ACTN1: variants seen among roughly 807,000 people sequenced by gnomAD.
The protein encoded by ACTN1 is alpha-actinin-1.
ACTN1 carries 30 observed loss-of-function variants against 119.6 expected under a neutral mutation model. The ratio of observed to expected loss-of-function variants is 0.25; its 90% CI spans 0.19 to 0.34. The LOEUF is 0.34. ACTN1 is among the 10% of genes least tolerant of loss of function. The pLI is 1.00. For missense variants in ACTN1, 764 were observed against 1,223.4 expected, an observed-to-expected ratio of 0.62 and a Z score of 5.60; for synonymous variants, 429 against 472.6, an observed-to-expected ratio of 0.91 and a Z score of 1.20.
rs1331819412 is a variant in ACTN1, at chr14:68,874,926, T to G, written c.2678A>C (p.Asp893Ala). The G allele has an allele frequency of 6.8e-6, 11 of 1,611,674 alleles. No individual in the cohort carries two copies. The East Asian group carries it at 2.5e-4, about 36-fold the overall frequency. The change falls in exon 22 of 22, where the codon GAC (aspartate) becomes GCC (alanine). Residue 893 changes from aspartate (D) to alanine (A), a missense_variant. By Grantham distance (126) the Asp-to-Ala change is moderately radical (BLOSUM62 -2). Around this residue, in one of 4 missense-constraint regions of ACTN1, gnomAD observed 102 missense variants for 78.2 expected, o/e 1.30. Transcript: ENST00000394419. ...GTAGTCCAGAGCACCTGGCACGGAG[T>G]CGGGGCCGGTGTAGGGGGCCATCCG... The part of the protein sequence containing the change: ...IARMAPYTGP[D>A]SVPGALDYMS...
chr14:68,884,389 G>A (rs1176911850), intron 13 of ACTN1, 81 bp from the exon 14 acceptor site: 12 of 1,495,284 alleles, frequency 8.0e-6, no homozygotes, highest in Non-Finnish European at 1.1e-5. Flanking sequence ...CTCCTGGTGA[G>A]CCCCAGGTCT....
intron 8 of ACTN1, among the ~76,000 whole-genome samples, chr14:68,894,103 G>A (rs2032706635): frequency 6.6e-6 from 1 of 152,156 alleles, no homozygotes; most frequent in Non-Finnish European, 1.5e-5. Flanking sequence ...GCCCATCCTG[G>A]AATTCCAAGT....
chr14:68,929,114 G>T (rs1022209998), intron 1 of ACTN1, among the ~76,000 whole-genome samples: 2 of 152,186 alleles, frequency 1.3e-5, no homozygotes, highest in Non-Finnish European at 2.9e-5. Flanking sequence ...GAGAGGGCTG[G>T]AACAGTGGCG....
intron 1 of ACTN1, chr14:68,978,373 C>T (rs1021359579): frequency 2.6e-6 from 1 of 379,650 alleles, no homozygotes; most frequent in South Asian, 1.9e-5. Flanking sequence ...TTTTCTCGTC[C>T]CCAGCCGCAC....
intron 14 of ACTN1, 58 bp downstream of exon 14, chr14:68,884,110 G>C: frequency 1.3e-6 from 2 of 1,544,548 alleles, no homozygotes; most frequent in Non-Finnish European, 1.8e-6. Flanking sequence ...GTGACCCACA[G>C]AGCATGGGCC....
intron 1 of ACTN1, chr14:68,977,813 C>A: frequency 5.3e-6 from 2 of 375,836 alleles, no homozygotes; most frequent in Non-Finnish European, 5.4e-6. Context: ...CCCCCCCACC[C>A]AAAACCCCAT....
At chr14:68,923,692 C>T (rs772209236) in intron 2 of ACTN1, among the ~76,000 whole-genome samples, 2 of 152,110 alleles carry the variant, frequency 1.3e-5, no homozygotes, top group Admixed American at 6.5e-5. Flanking sequence ...GAAAACAGCA[C>T]GGTGGCTCCT....
intron 7 of ACTN1, among the ~76,000 whole-genome samples, chr14:68,904,311 G>A (rs973290872): frequency 6.6e-6 from 1 of 152,104 alleles, no homozygotes; most frequent in Non-Finnish European, 1.5e-5. Flanking sequence ...CTCTCAGCAA[G>A]GGAAACTTCC....
chr14:68,973,713 G>A (rs1323324628), intron 1 of ACTN1: 1 of 152,196 alleles, frequency 6.6e-6, no homozygotes, highest in Non-Finnish European at 1.5e-5. Context: ...AAGGCTCCTT[G>A]TCTCAGTCAG....
intron 14 of ACTN1, among the ~76,000 whole-genome samples, chr14:68,883,915 C>A (rs2031779309): frequency 6.6e-6 from 1 of 152,150 alleles, no homozygotes; most frequent in Non-Finnish European, 1.5e-5. Context: ...AAATTCTTAC[C>A]TTTGGGGAGA....
intron 1 of ACTN1, among the ~76,000 whole-genome samples, chr14:68,964,312 C>G (rs2140632852): frequency 6.6e-6 from 1 of 152,342 alleles, no homozygotes; most frequent in Non-Finnish European, 1.5e-5. Context: ...CAAGTACCCT[C>G]CATTCTACCT....
intron 8 of ACTN1, among the ~76,000 whole-genome samples, chr14:68,899,671 C>A (rs2033181567): frequency 6.6e-6 from 1 of 152,212 alleles, no homozygotes; most frequent in Non-Finnish European, 1.5e-5. Flanking sequence ...TCTCACATTC[C>A]CTTCCAAGCT....
chr14:68,931,381 T>C (rs1346226328), intron 1 of ACTN1, among the ~76,000 whole-genome samples: 2 of 152,164 alleles, frequency 1.3e-5, no homozygotes, highest in Non-Finnish European at 2.9e-5. Context: ...GAGAGATCAT[T>C]ACAGATGGTA....
intron 1 of ACTN1, among the ~76,000 whole-genome samples, chr14:68,930,054 G>A (rs555822371): frequency 2.6e-5 from 4 of 152,270 alleles, no homozygotes; most frequent in Admixed American, 1.3e-4. Context: ...ACCTCTTTTC[G>A]TCACATCTTT....
intron 3 of ACTN1, among the ~76,000 whole-genome samples, chr14:68,915,483 G>A (rs2034240740): frequency 6.6e-6 from 1 of 152,300 alleles, no homozygotes; most frequent in East Asian, 1.9e-4. Flanking sequence ...CCTCTAGAAT[G>A]TAAGCCCCTT....
intron 2 of ACTN1, 40 bp from the exon 3 acceptor site, chr14:68,921,165 T>G: frequency 1.2e-6 from 2 of 1,610,018 alleles, no homozygotes; most frequent in Non-Finnish European, 1.7e-6. Context: ...GGTGAGACGC[T>G]ATGAGCCAGG....
Position 68,875,008 on chromosome 14 carries a change from T to A in ACTN1, c.2596A>T (p.Thr866Ser). 2 of 1,613,384 alleles carry A rather than the reference T, an allele frequency of 1.2e-6. No homozygotes were observed. Among genetic ancestry groups the A allele is most frequent in the Non-Finnish European group, 1.7e-6 (2 of 1,180,006 alleles). ...AGCTCGCGGCGCAGCTCGTCCATGG[T>A]AATGTAGTTCTGCGAGGAGAGAGTG... is the stretch of plus-strand genomic sequence containing the variant. ...KILAGDKNYI[T>S]MDELRRELPP... The change falls in exon 22 of 22, where the codon ACC becomes TCC. Residue 866 changes from threonine (T) to serine (S), a missense_variant. Thr to Ser is a moderately conservative substitution (Grantham distance 58). Coordinates refer to ENST00000394419, the MANE Select transcript of ACTN1 (RefSeq NM_001130004.2).
intron 1 of ACTN1, among the ~76,000 whole-genome samples, chr14:68,949,260 C>A (rs1275253285): frequency 6.6e-6 from 1 of 152,186 alleles, no homozygotes; most frequent in Non-Finnish European, 1.5e-5. Flanking sequence ...GGTCCCCGTG[C>A]CTCCCCAGGG....
rs369878847 is a variant in ACTN1, at chr14:68,892,264, C to T, written c.875G>A (p.Arg292His). The T allele has an allele frequency of 8.7e-6, 14 of 1,613,008 alleles. No individual in the cohort carries two copies. The highest frequency in any genetic ancestry group is 8.0e-5 in the African/African-American group (6 of 74,892). Reference protein sequence around the residue: ...LASDLLEWIRRTIPWLENRVP... With the variant: ...LASDLLEWIRHTIPWLENRVP... ...CCGGTTCTCCAGCCACGGGATTGTGCGGCGGATCCACTCCAACAGCTAGGG... is the reference window on the plus strand; with the variant it reads ...CCGGTTCTCCAGCCACGGGATTGTGTGGCGGATCCACTCCAACAGCTAGGG... The change falls in exon 10 of 22, where the codon CGC becomes CAC. Residue 292 changes from arginine (R) to histidine (H), a missense_variant. Coordinates refer to ENST00000394419, the MANE Select transcript of ACTN1 (RefSeq NM_001130004.2).
Sources: allele counts gnomAD v4.1 joint callset (sites outside exome capture counted in the v4.1 genomes callset), GRCh38; gene constraint gnomAD v4.1.1; regional missense constraint gnomAD v4.1.1; transcripts MANE v1.5; gene names NCBI Gene and HGNC (gene_info 2026-07-23, HGNC 2026-07-21).